Variants in GTF2I observed in about 807,000 individuals in gnomAD.
GTF2I encodes the protein general transcription factor IIi.
GTF2I carries 12 observed loss-of-function variants against 67.6 expected under a neutral mutation model. The observed-to-expected ratio is 0.18, with a 90% CI of 0.11 to 0.29. The LOEUF (loss-of-function observed/expected upper bound fraction) is 0.29, where lower values mean the gene tolerates loss of function less well. Among genes scored for constraint, GTF2I ranks in the 10% least tolerant of loss-of-function variants. The pLI is 1.00. For synonymous variants in GTF2I, 149 were observed against 197.0 expected, an observed-to-expected ratio of 0.76 and a Z score of 2.04; for missense variants, 271 against 580.1, an observed-to-expected ratio of 0.47 and a Z score of 5.47.
In GTF2I at chr7:74,669,067, AG is replaced by A. The variant is rs1805228716; in HGVS notation, c.-6+11000del. Among the ~76,000 whole-genome samples, 4 of 151,998 alleles carry A rather than the reference AG, an allele frequency of 2.6e-5. No homozygotes were observed. In the Admixed American group the frequency reaches 2.6e-4, roughly 10 times the overall value. ...AGGGATCTTTTATCATGTCGGGAAC[AG>A]TAACTATTCATTTATTCAACATACT... On this transcript the variant is annotated intron_variant, in intron 1 of 34. Coordinates refer to ENST00000573035, the MANE Select transcript of GTF2I (RefSeq NM_032999.4).
chr7:74,718,866 T>C lies in GTF2I; in HGVS notation c.881-13T>C, dbSNP rs782182967. 1 of 1,433,484 alleles carries C rather than the reference T, an allele frequency of 7.0e-7. No individual in the cohort carries two copies. The highest frequency in any genetic ancestry group is 2.0e-5 in the Admixed American group (1 of 49,902). 88.8% of individuals were successfully genotyped at this position (1,433,484 alleles called of 1,614,324 possible). On this transcript the variant is annotated splice_polypyrimidine_tract_variant and intron_variant, in intron 11 of 34. Transcript: ENST00000573035. The stretch of plus-strand genomic sequence containing the variant: ...AATAATGAATGTCATTTTAGAATTT[T>C]ATTTTTTTCAAGATTCTACTCAACA...
At chr7:74,690,163 C>T (rs1475102365) in intron 2 of GTF2I, among the ~76,000 whole-genome samples, 3 of 151,776 alleles carry the variant, frequency 2.0e-5, no homozygotes, top group African/African-American at 4.8e-5. Context: ...TGCAGTGAGC[C>T]GAGATCGCGC....
At chr7:74,733,507 A>G (rs1637169) in intron 15 of GTF2I, 1 of 160,002 alleles carries the variant, frequency 6.2e-6, no homozygotes, top group East Asian at 1.8e-4. Context: ...GCTCACACCT[A>G]TAATCCCAGC....
intron 1 of GTF2I, among the ~76,000 whole-genome samples, chr7:74,679,595 T>C (rs587724395): frequency 6.6e-6 from 1 of 152,302 alleles, no homozygotes; most frequent in African/African-American, 2.4e-5. Context: ...CTTGTGTTGA[T>C]TATGTTTTTA....
chr7:74,664,169 G>A (rs797041644), intron 1 of GTF2I, among the ~76,000 whole-genome samples: 34 of 152,208 alleles, frequency 2.2e-4, no homozygotes, highest in African/African-American at 7.7e-4. Flanking sequence ...AAGAGGTGAA[G>A]GTATTGTCTT....
chr7:74,731,501 A>T, intron 14 of GTF2I, among the ~76,000 whole-genome samples: 1 of 148,218 alleles, frequency 6.7e-6, no homozygotes, highest in East Asian at 2.0e-4. Flanking sequence ...CCCAGTTTTT[A>T]ATAGCTTACA....
At chr7:74,701,180 C>T (rs1479229942) in intron 6 of GTF2I, among the ~76,000 whole-genome samples, 2 of 152,062 alleles carry the variant, frequency 1.3e-5, no homozygotes, top group African/African-American at 2.4e-5. Context: ...AAGAATGATG[C>T]GGATTTCAGC....
At chr7:74,718,845 A>G in intron 11 of GTF2I, 34 bp from the exon 12 acceptor site, 2 of 1,098,004 alleles carry the variant, frequency 1.8e-6, no homozygotes, top group Non-Finnish European at 2.7e-6. Flanking sequence ...ATGCTTAATA[A>G]TGAATGTCAT....
chr7:74,682,823 A>G (rs1787381441), intron 1 of GTF2I, among the ~76,000 whole-genome samples: 1 of 152,212 alleles, frequency 6.6e-6, no homozygotes, highest in Admixed American at 6.5e-5. Context: ...GAAATTCCTT[A>G]GAGAGTAGGA....
chr7:74,723,428 C>CTTTT (rs58149301), intron 12 of GTF2I, among the ~76,000 whole-genome samples: 9 of 61,088 alleles, frequency 1.5e-4, no homozygotes, highest in Admixed American at 2.6e-4. Flanking sequence ...CTCCCGGCCT[C>CTTTT]TTTTTTTTTT....
At chr7:74,726,273 T>A (rs587630740) in intron 12 of GTF2I, among the ~76,000 whole-genome samples, 11 of 152,354 alleles carry the variant, frequency 7.2e-5, no homozygotes, top group African/African-American at 2.6e-4. Context: ...ACAGTATTCA[T>A]AGGTGAAATG....
chr7:74,710,223 G>A (rs962543624), intron 8 of GTF2I, among the ~76,000 whole-genome samples: 7 of 152,116 alleles, frequency 4.6e-5, no homozygotes, highest in African/African-American at 1.7e-4. Flanking sequence ...TCTTTACAAA[G>A]TTGCCCAAGT....
chr7:74,716,863 GT>G, intron 10 of GTF2I, 30 bp from the exon 11 acceptor site: 1 of 1,490,148 alleles, frequency 6.7e-7, no homozygotes, highest in Non-Finnish European at 9.3e-7. Context: ...GTTTTTATTG[GT>G]TTATTATATG....
chr7:74,724,910 CAG>C (rs1554405385), intron 12 of GTF2I, among the ~76,000 whole-genome samples: 1 of 152,026 alleles, frequency 6.6e-6, no homozygotes. Context: ...GCCTGGGTGA[CAG>C]AGCAAGACTC....
At chr7:74,680,752 A>G (rs959873670) in intron 1 of GTF2I, among the ~76,000 whole-genome samples, 12 of 93,126 alleles carry the variant, frequency 1.3e-4, no homozygotes, top group Non-Finnish European at 2.4e-4. Context: ...AAAACCCAAA[A>G]CCAAATGTTG....
chr7:74,732,636 G>A lies in GTF2I; in HGVS notation c.1278G>A (p.Lys426=). Residue 426 remains lysine (K), a synonymous_variant, in exon 15 of 35, where the codon AAG becomes AAA. Transcript: ENST00000573035. ...IPRLERILLA[K]ERIRFVIKKH... The stretch of plus-strand genomic sequence containing the variant: ...GCCTGGAGAGGATATTACTTGCAAA[G>A]GAAAGGATTCGTTTTGTGATTAAGA... The A allele has an allele frequency of 6.3e-7, 1 of 1,578,882 alleles. No individual in the cohort carries two copies. The highest frequency in any genetic ancestry group is 1.2e-5 in the South Asian group (1 of 83,758).
chr7:74,721,885 A>G (rs1176160289), intron 12 of GTF2I, among the ~76,000 whole-genome samples: 1 of 152,198 alleles, frequency 6.6e-6, no homozygotes, highest in Non-Finnish European at 1.5e-5. Context: ...CTTGAGAACA[A>G]GGCAACTTGA....
At chr7:74,692,137 G>A (rs587743586) in intron 3 of GTF2I, among the ~76,000 whole-genome samples, 4 of 148,594 alleles carry the variant, frequency 2.7e-5, no homozygotes, top group East Asian at 2.0e-4. Context: ...GCAGTGGCGC[G>A]ATCTCCGCTC....
chr7:74,659,326 C>T lies in GTF2I; in HGVS notation c.-6+1258C>T, dbSNP rs190368957. Among the ~76,000 whole-genome samples, 20 of 152,218 alleles carry T rather than the reference C, an allele frequency of 1.3e-4. No individual in the cohort carries two copies. In the East Asian group the frequency reaches 3.9e-3, roughly 29 times the overall value. Reference sequence around the variant, plus strand: ...CATTGCAGCCTCCAACACCTGGGCTCCAGCGATCCTCCTGCCTCAGCCTCC... The same window carrying T: ...CATTGCAGCCTCCAACACCTGGGCTTCAGCGATCCTCCTGCCTCAGCCTCC... On this transcript the variant is annotated intron_variant, in intron 1 of 34. Coordinates refer to ENST00000573035, the MANE Select transcript of GTF2I (RefSeq NM_032999.4).
Sources: gnomAD v4.1 joint callset for allele counts (sites outside exome capture counted in the v4.1 genomes callset) on GRCh38, gnomAD v4.1.1 for gene constraint, MANE v1.5 for transcripts, NCBI Gene and HGNC (gene_info 2026-07-23, HGNC 2026-07-21) for gene names.